The following COLEC10 variants were observed in gnomAD, a reference collection of about 807,000 sequenced individuals.
COLEC10 encodes the protein collectin-10.
A neutral mutation model predicts 28.4 loss-of-function variants in COLEC10; 22 were observed. That is an observed-to-expected ratio of 0.78 (90% CI 0.55 to 1.11). The LOEUF is 1.11. Among genes scored for constraint, COLEC10 ranks in the 50% least tolerant of loss-of-function variants. The pLI is 0.00. For synonymous variants in COLEC10, 125 were observed against 116.1 expected (o/e 1.08, Z -0.49); for missense variants, 361 against 344.1 (o/e 1.05, Z -0.39).
At chr8:119,023,420 C>T (rs751379652) in intron 2 of COLEC10, among the ~76,000 whole-genome samples, 4 of 152,030 alleles carry the variant, frequency 2.6e-5, no homozygotes, top group Non-Finnish European at 4.4e-5. Context: ...GAGAGAAGCA[C>T]AGAGCCTGGC....
intron 1 of COLEC10, among the ~76,000 whole-genome samples, chr8:119,070,476 T>TCTCTCTCTCCCTCC (rs1554627418): frequency 1.0e-5 from 1 of 99,040 alleles, no homozygotes; most frequent in African/African-American, 4.3e-5. Flanking sequence ...TCTCTCTCTC[T>TCTCTCTCTCCCTCC]CCTTCCCCCT....
chr8:119,040,941 A>G (rs1249081049), intron 2 of COLEC10, among the ~76,000 whole-genome samples: 1 of 152,232 alleles, frequency 6.6e-6, no homozygotes, highest in East Asian at 1.9e-4. Context: ...AAGTGAGACT[A>G]TGATGAGATC....
chr8:119,049,401 C>CTTTTTTT lies in COLEC10; in HGVS notation n.235+39873_235+39879dup, dbSNP rs34885340. The stretch of plus-strand genomic sequence containing the variant: ...TGATGAAGCATAGGTATTTTCTTTT[C>CTTTTTTT]TTTTTTTTTTTTTTTTTTTTTTTTT... On this transcript the variant is annotated intron_variant and non_coding_transcript_variant, in intron 2 of 6. Transcript: ENST00000521788. 8.5e-3 allele frequency among the ~76,000 whole-genome samples: 512 copies of CTTTTTTT among 60,140 alleles called. 48 individuals carry two copies. The highest frequency in any genetic ancestry group is 0.018 in the African/African-American group (246 of 13,668). 39.5% of individuals were successfully genotyped at this position (60,140 alleles called of 152,430 possible).
At chr8:118,991,526 A>C (rs865951391), upstream of COLEC10, among the ~76,000 whole-genome samples, 1 of 152,170 alleles carries the variant, frequency 6.6e-6, no homozygotes, top group African/African-American at 2.4e-5. Flanking sequence ...CAAATGGTGG[A>C]TGGAAGTGGT....
At chr8:119,002,948 T>C (rs922984380) in intron 1 of COLEC10, among the ~76,000 whole-genome samples, 43 of 152,110 alleles carry the variant, frequency 2.8e-4, no homozygotes, top group African/African-American at 1.0e-3. Flanking sequence ...CAAATTAGGG[T>C]AGGAGAATTC....
chr8:119,059,739 G>A (rs965138109), intron 2 of COLEC10, among the ~76,000 whole-genome samples: 2 of 151,962 alleles, frequency 1.3e-5, no homozygotes, highest in African/African-American at 2.4e-5. Context: ...CACAAAGCTG[G>A]GGTATCTTTT....
At chr8:119,097,897 T>C (rs773318805) in intron 3 of COLEC10, among the ~76,000 whole-genome samples, 3 of 152,048 alleles carry the variant, frequency 2.0e-5, no homozygotes, top group Non-Finnish European at 2.9e-5. Context: ...CATTTTTTAA[T>C]TGCAGTGAAA....
chr8:118,952,696 A>G, the COLEC10 span, among the ~76,000 whole-genome samples: 1 of 152,180 alleles, frequency 6.6e-6, no homozygotes, highest in Non-Finnish European at 1.5e-5. Context: ...CAACCCCACC[A>G]TCATCAAAGG....
chr8:119,006,175 T>G (rs1234417790), intron 1 of COLEC10, among the ~76,000 whole-genome samples: 4 of 152,042 alleles, frequency 2.6e-5, no homozygotes, highest in Non-Finnish European at 4.4e-5. Flanking sequence ...AGGGTCCAGG[T>G]GCTCAGGAGG....
At chr8:119,041,508 C>T (rs907067824) in intron 2 of COLEC10, among the ~76,000 whole-genome samples, 2 of 152,138 alleles carry the variant, frequency 1.3e-5, no homozygotes, top group Non-Finnish European at 2.9e-5. Flanking sequence ...AACTGTCCTT[C>T]CTGGGTTCAA....
intron 2 of COLEC10, among the ~76,000 whole-genome samples, chr8:119,030,371 G>A (rs1814266193): frequency 6.6e-6 from 1 of 152,036 alleles, no homozygotes; most frequent in South Asian, 2.1e-4. Flanking sequence ...CAGTATAAAA[G>A]TGTGTTGGTG....
the COLEC10 span, among the ~76,000 whole-genome samples, chr8:118,987,518 C>T: frequency 4.6e-5 from 7 of 152,114 alleles, no homozygotes; most frequent in Non-Finnish European, 8.8e-5. Flanking sequence ...GAGCCGAGAT[C>T]GCACCACTGC....
At chr8:119,011,112 C>T (rs1424611367) in intron 2 of COLEC10, among the ~76,000 whole-genome samples, 1 of 150,902 alleles carries the variant, frequency 6.6e-6, no homozygotes, top group Admixed American at 6.6e-5. Flanking sequence ...GTTTTATAGT[C>T]TACATTTTAC....
intron 2 of COLEC10, among the ~76,000 whole-genome samples, chr8:119,018,619 T>C (rs1183669972): frequency 6.6e-6 from 1 of 152,238 alleles, no homozygotes; most frequent in Non-Finnish European, 1.5e-5. Flanking sequence ...AATGGATATG[T>C]CTTGTGACTT....
At chr8:119,051,450 C>T (rs375510360) in intron 2 of COLEC10, among the ~76,000 whole-genome samples, 68 of 152,104 alleles carry the variant, frequency 4.5e-4, no homozygotes, top group African/African-American at 1.5e-3. Context: ...GATAATTTAT[C>T]TATTGAAAAT....
chr8:119,060,581 A>ATCCTTTCTT (rs1465293632), intron 2 of COLEC10, among the ~76,000 whole-genome samples: 5 of 152,162 alleles, frequency 3.3e-5, no homozygotes, highest in African/African-American at 4.8e-5. Context: ...GACTAAAAGA[A>ATCCTTTCTT]AGTAAGAACA....
the COLEC10 span, among the ~76,000 whole-genome samples, chr8:118,961,021 A>G: frequency 6.6e-6 from 1 of 152,198 alleles, no homozygotes; most frequent in Non-Finnish European, 1.5e-5. Flanking sequence ...TTAAGTAGGC[A>G]TTATCAACTT....
chr8:118,975,161 C>A, the COLEC10 span, among the ~76,000 whole-genome samples: 1 of 151,978 alleles, frequency 6.6e-6, no homozygotes. Flanking sequence ...AACAGAAGGT[C>A]AGGATGAAAG....
chr8:119,095,044 A>T (rs1244035513), intron 3 of COLEC10, among the ~76,000 whole-genome samples: 1 of 152,176 alleles, frequency 6.6e-6, no homozygotes, highest in African/African-American at 2.4e-5. Context: ...AATTGAAAAT[A>T]AAGGAATATG....
Sources: allele counts gnomAD v4.1 joint callset (sites outside exome capture counted in the v4.1 genomes callset), GRCh38; gene constraint gnomAD v4.1.1; transcripts MANE v1.5; gene names NCBI Gene and HGNC (gene_info 2026-07-23, HGNC 2026-07-21).